Variants in SLC45A1 observed in about 807,000 individuals in gnomAD.
SLC45A1 encodes the protein proton-associated sugar transporter A.
Under a neutral mutation model 57.6 loss-of-function variants are expected in SLC45A1, and 28 were observed. That is an observed-to-expected ratio of 0.49 (90% CI 0.36 to 0.67). The LOEUF is 0.67. SLC45A1 is among the 30% of genes least tolerant of loss of function. The pLI, the probability that SLC45A1 is intolerant of heterozygous loss-of-function variation, is 0.00. For synonymous variants in SLC45A1, 459 were observed against 471.5 expected, an observed-to-expected ratio of 0.97 and a Z score of 0.34; for missense variants, 814 against 1,041.5, an observed-to-expected ratio of 0.78 and a Z score of 3.01.
rs1022903584 is a variant in SLC45A1 at position 8,334,283 on chromosome 1, C to G, written c.1444-1154C>G. ...ACAGAGGCGTAACTGCAGCGCTGTTCCTCCGCAGGCATGGGGGACGCGCTC... is the reference window on the plus strand; with the variant it reads ...ACAGAGGCGTAACTGCAGCGCTGTTGCTCCGCAGGCATGGGGGACGCGCTC... On this transcript the variant is annotated intron_variant, in intron 5 of 8. Coordinates refer to ENST00000471889, the MANE Select transcript of SLC45A1 (RefSeq NM_001080397.3). 5.9e-5 allele frequency among the ~76,000 whole-genome samples: 9 copies of G among 152,250 alleles called. 1 individual carries two copies. The highest frequency in any genetic ancestry group is 1.9e-4 in the African/African-American group (8 of 41,472).
At chr1:8,331,757 G>C (rs1208821815) in intron 5 of SLC45A1, among the ~76,000 whole-genome samples, 1 of 152,082 alleles carries the variant, frequency 6.6e-6, no homozygotes, top group East Asian at 1.9e-4. Flanking sequence ...TTAGGTATCA[G>C]GTGGCTTAAA....
intron 5 of SLC45A1, among the ~76,000 whole-genome samples, chr1:8,331,229 A>G (rs900067981): frequency 2.0e-5 from 3 of 151,812 alleles, no homozygotes; most frequent in Admixed American, 2.0e-4. Flanking sequence ...GTATTTTAGT[A>G]TTTTTAAAAA....
chr1:8,334,777 G>C (rs1640553434), intron 5 of SLC45A1, among the ~76,000 whole-genome samples: 1 of 152,158 alleles, frequency 6.6e-6, no homozygotes, highest in Non-Finnish European at 1.5e-5. Context: ...CCCAAGCAGG[G>C]CTACTTGGAA....
chr1:8,324,249 G>A (rs2124291247), intron 1 of SLC45A1, 57 bp from the exon 2 acceptor site: 2 of 1,456,706 alleles, frequency 1.4e-6, no homozygotes, highest in Non-Finnish European at 1.9e-6. Flanking sequence ...CTCAAATGTT[G>A]GGGGAGGACT....
intron 1 of SLC45A1, 40 bp from the exon 2 acceptor site, chr1:8,324,266 G>A: frequency 1.3e-6 from 2 of 1,557,374 alleles, no homozygotes; most frequent in African/African-American, 1.4e-5. Flanking sequence ...GACTACCCAG[G>A]CAAAAGTAAC....
intron 1 of SLC45A1, among the ~76,000 whole-genome samples, chr1:8,318,502 C>A (rs1476971316): frequency 6.6e-6 from 1 of 152,228 alleles, no homozygotes; most frequent in Non-Finnish European, 1.5e-5. Flanking sequence ...GAGGCCTGGT[C>A]CCTAGTCACC....
In SLC45A1 at chr1:8,327,803, G is replaced by A. The variant is rs1439861818; in HGVS notation, c.715+1761G>A. Among the ~76,000 whole-genome samples the A allele has an allele frequency of 6.6e-6, 1 of 152,180 alleles. No individual in the cohort carries two copies. The highest frequency in any genetic ancestry group is 1.9e-4 in the East Asian group (1 of 5,202). On this transcript the variant is annotated intron_variant, in intron 4 of 8. Coordinates refer to ENST00000471889, the MANE Select transcript of SLC45A1 (RefSeq NM_001080397.3). The surrounding 1 kb of genome is among the most constrained non-coding windows in gnomAD (Gnocchi z 4.3). ...CCCAGCACTTTGAGAGGCTGAAGTG[G>A]GTGAATCACTTGAGGTCAGGCGTTC...
In SLC45A1 at chr1:8,318,720, CTAAT is replaced by C. The variant is rs1639901981; in HGVS notation, c.-25+537_-25+540del. ...CTGCCCTCGACAATCAGCAACTTCTCTAATTATTTCTAGAGTGACAGCCGTGCAT... is the reference window on the plus strand; with the variant it reads ...CTGCCCTCGACAATCAGCAACTTCTCTATTTCTAGAGTGACAGCCGTGCAT... On this transcript the variant is annotated intron_variant, in intron 1 of 8. Coordinates refer to ENST00000471889, the MANE Select transcript of SLC45A1 (RefSeq NM_001080397.3). Among the ~76,000 whole-genome samples the C allele has an allele frequency of 3.9e-5, 6 of 152,328 alleles. No individual in the cohort carries two copies. In the South Asian group the frequency reaches 1.2e-3, roughly 32 times the overall value.
At chr1:8,338,824 C>T (rs1482696440) in intron 7 of SLC45A1, among the ~76,000 whole-genome samples, 2 of 152,118 alleles carry the variant, frequency 1.3e-5, no homozygotes, top group African/African-American at 2.4e-5. Flanking sequence ...TGGACTTCGC[C>T]TTCGATCCAT....
Position 8,325,897 on chromosome 1 carries a change from G to C in SLC45A1, c.570G>C (p.Lys190Asn). 1 of 1,614,110 alleles carries C rather than the reference G, an allele frequency of 6.2e-7. No individual in the cohort carries two copies. The highest frequency in any genetic ancestry group is 1.6e-4 in the Middle Eastern group (1 of 6,062). ...IALADVTGNH[K>N]WGLLLTVCGV... Reference sequence around the variant, plus strand: ...TGGCTGACGTGACCGGGAACCACAAGTGGGGCCTGCTGCTGACCGTGTGCG... The same window carrying C: ...TGGCTGACGTGACCGGGAACCACAACTGGGGCCTGCTGCTGACCGTGTGCG... Residue 190 changes from lysine (K) to asparagine (N), a missense_variant, in exon 4 of 9, where the codon AAG (lysine) becomes AAC (asparagine). By Grantham distance (94) the Lys-to-Asn change is moderately conservative. Transcript: ENST00000471889. This position sits in a 1 kb window ranked among gnomAD's most constrained non-coding sequence, Gnocchi z 6.3.
At position 8,330,663 on chromosome 1, in the gene SLC45A1, C is replaced by T. The variant is rs571135364; in HGVS notation, c.1170C>T (p.Ala390=). The change falls in exon 5 of 9, where the codon GCC becomes GCT. Residue 390 remains alanine (A), a synonymous_variant. Coordinates refer to ENST00000471889, the MANE Select transcript of SLC45A1 (RefSeq NM_001080397.3). The surrounding 1 kb of genome is among the most constrained non-coding windows in gnomAD (Gnocchi z 8.4). Reference sequence around the variant, plus strand: ...CGGGCGGCCACGACAGCTACCTGGCCATCCCTGGCAGCGTCCCCAGGCCGC... The same window carrying T: ...CGGGCGGCCACGACAGCTACCTGGCTATCCCTGGCAGCGTCCCCAGGCCGC... ...CFTGGHDSYL[A]IPGSVPRPPI... The T allele has an allele frequency of 1.9e-6, 3 of 1,613,390 alleles. No homozygotes were observed. The South Asian group carries it at 3.3e-5, about 18-fold the overall frequency.
chr1:8,321,092 A>G (rs1639998498), intron 1 of SLC45A1, among the ~76,000 whole-genome samples: 1 of 152,192 alleles, frequency 6.6e-6, no homozygotes, highest in Non-Finnish European at 1.5e-5. Context: ...AGGGGATGCT[A>G]ACTGCTGCTT....
chr1:8,339,426 G>A lies in SLC45A1; in HGVS notation c.1775-67G>A, dbSNP rs375092257. 6.6e-6 allele frequency: 10 copies of A among 1,508,172 alleles called. No individual in the cohort carries two copies. The East Asian group carries it at 2.3e-4, about 34-fold the overall frequency. The allele number at this position is 1,508,172 out of a possible 1,614,324, so 93.4% of individuals were successfully genotyped here. The stretch of plus-strand genomic sequence containing the variant: ...GCTTCAGGTCAGCCGCCGGGAGGTG[G>A]CACTGGAAGCTGAATCCCCGGAGGC... On this transcript the variant is annotated intron_variant, in intron 7 of 8. Transcript: ENST00000471889.
intron 1 of SLC45A1, 88 bp downstream of exon 1, chr1:8,318,274 C>T (rs560961518): frequency 7.4e-6 from 3 of 406,394 alleles, no homozygotes; most frequent in Non-Finnish European, 1.3e-5. Context: ...GTAGTCAGGG[C>T]GCCGAGACCG....
intron 1 of SLC45A1, among the ~76,000 whole-genome samples, chr1:8,321,578 G>T (rs1350817363): frequency 6.6e-6 from 1 of 152,130 alleles, no homozygotes; most frequent in Non-Finnish European, 1.5e-5. Flanking sequence ...GACAAGAACT[G>T]TGTCTTTTAT....
chr1:8,331,066 G>T, intron 5 of SLC45A1, 130 bp downstream of exon 5: 1 of 1,235,156 alleles, frequency 8.1e-7, no homozygotes, highest in Non-Finnish European at 1.1e-6. Flanking sequence ...GTTATCAAGT[G>T]CTTTGACCTA....
chr1:8,334,313 G>A (rs910819515), intron 5 of SLC45A1, among the ~76,000 whole-genome samples: 5 of 152,256 alleles, frequency 3.3e-5, no homozygotes, highest in East Asian at 1.9e-4. Flanking sequence ...GCGCTCTGCC[G>A]ATGTGGGTGT....
At chr1:8,337,302 A>G (rs548287655) in intron 6 of SLC45A1, among the ~76,000 whole-genome samples, 2 of 152,236 alleles carry the variant, frequency 1.3e-5, no homozygotes. Flanking sequence ...CCATGATTCA[A>G]TTAGCTCTCA....
Position 8,324,716 on chromosome 1 carries a change from C to T in SLC45A1, c.387C>T (p.Ser129=), listed in dbSNP as rs1316717035. ...TCTACAGCCTGGTGTGGTTCATCAG[C>T]CCCATCCTCGGTGAGCCCCGGCTCC... ...DQLYSLVWFI[S]PILGFLLQPL... Residue 129 remains serine (S), a synonymous_variant, in exon 2 of 9, where the codon AGC becomes AGT. Transcript: ENST00000471889. 6.3e-7 allele frequency: 1 copy of T among 1,586,542 alleles called. No homozygotes were observed. The highest frequency in any genetic ancestry group is 1.3e-5 in the African/African-American group (1 of 74,306).
Sources: gnomAD v4.1 joint callset for allele counts (sites outside exome capture counted in the v4.1 genomes callset) on GRCh38, gnomAD v4.1.1 for gene constraint, Gnocchi (gnomAD v3.1) non-coding constraint, MANE v1.5 for transcripts, NCBI Gene and HGNC (gene_info 2026-07-23, HGNC 2026-07-21) for gene names.